The following SWT1 variants were observed in gnomAD, a reference collection of about 807,000 sequenced individuals.
SWT1 encodes transcriptional protein SWT1.
A neutral mutation model predicts 107.3 loss-of-function variants in SWT1; 33 were observed. The observed-to-expected ratio is 0.31, with a 90% CI of 0.23 to 0.41. SWT1 has a LOEUF of 0.41. Ranked by LOEUF, SWT1 falls within the 10% of genes least tolerant of loss-of-function variation. SWT1 has a pLI of 1.00. For missense variants in SWT1, 898 were observed against 1,028.9 expected, an observed-to-expected ratio of 0.87 and a Z score of 1.74; for synonymous variants, 345 against 348.3, an observed-to-expected ratio of 0.99 and a Z score of 0.11.
intron 16 of SWT1, among the ~76,000 whole-genome samples, chr1:185,240,062 C>T (rs911161116): frequency 3.9e-5 from 6 of 151,982 alleles, no homozygotes; most frequent in African/African-American, 1.4e-4. Context: ...AGCTAATATT[C>T]AAAGCAACAA....
intron 9 of SWT1, among the ~76,000 whole-genome samples, chr1:185,188,237 A>G (rs1270635000): frequency 6.6e-6 from 1 of 152,186 alleles, no homozygotes; most frequent in Non-Finnish European, 1.5e-5. Flanking sequence ...TTGAATAACT[A>G]AAGATTTCAT....
At chr1:185,269,433 T>C (rs1351677230) in intron 16 of SWT1, among the ~76,000 whole-genome samples, 2 of 148,368 alleles carry the variant, frequency 1.3e-5, no homozygotes, top group Non-Finnish European at 3.0e-5. Context: ...TTCTATGAAA[T>C]AGTATTCTTA....
chr1:185,243,603 A>G (rs1661397601), intron 16 of SWT1, among the ~76,000 whole-genome samples: 1 of 152,104 alleles, frequency 6.6e-6, no homozygotes, highest in South Asian at 2.1e-4. Context: ...TAAATACTTA[A>G]CCGTATATCA....
intron 16 of SWT1, among the ~76,000 whole-genome samples, chr1:185,267,202 T>G (rs539579873): frequency 6.6e-6 from 1 of 152,226 alleles, no homozygotes; most frequent in East Asian, 1.9e-4. Flanking sequence ...TTATTGAGCA[T>G]GTACCGTGTG....
At chr1:185,239,246 A>G (rs1031577007) in intron 16 of SWT1, among the ~76,000 whole-genome samples, 9 of 152,128 alleles carry the variant, frequency 5.9e-5, no homozygotes, top group African/African-American at 2.2e-4. Flanking sequence ...TTCCTTGTTA[A>G]ATGAGAATCC....
intron 13 of SWT1, among the ~76,000 whole-genome samples, chr1:185,210,710 G>T (rs1358734125): frequency 6.6e-6 from 1 of 152,094 alleles, no homozygotes; most frequent in African/African-American, 2.4e-5. Flanking sequence ...ACTCAGACAA[G>T]AGAAATAAAT....
chr1:185,272,438 A>G (rs1040897616), intron 17 of SWT1, among the ~76,000 whole-genome samples: 1 of 152,180 alleles, frequency 6.6e-6, no homozygotes, highest in African/African-American at 2.4e-5. Context: ...TATGAAGTCA[A>G]ACTCCTTTAA....
intron 13 of SWT1, among the ~76,000 whole-genome samples, chr1:185,212,936 G>A (rs765796188): frequency 1.1e-4 from 16 of 152,126 alleles, no homozygotes; most frequent in Admixed American, 8.5e-4. Flanking sequence ...AGAATACCAC[G>A]CATGTATCCT....
chr1:185,237,322 C>G (rs1372219516), intron 16 of SWT1, among the ~76,000 whole-genome samples: 1 of 152,134 alleles, frequency 6.6e-6, no homozygotes, highest in Non-Finnish European at 1.5e-5. Flanking sequence ...CAATGATAGA[C>G]TGGATAAAGA....
At chr1:185,239,812 T>C (rs1661139583) in intron 16 of SWT1, among the ~76,000 whole-genome samples, 1 of 152,088 alleles carries the variant, frequency 6.6e-6, no homozygotes, top group Non-Finnish European at 1.5e-5. Flanking sequence ...CAAGTAACTC[T>C]TAAGACCACA....
chr1:185,226,697 A>G (rs982962859), intron 15 of SWT1: 10 of 446,864 alleles, frequency 2.2e-5, no homozygotes, highest in Middle Eastern at 1.1e-3. Context: ...AACAAACAAA[A>G]GCTTCCCTGC....
At chr1:185,174,123 T>C (rs1346176084) in intron 4 of SWT1, among the ~76,000 whole-genome samples, 1 of 152,214 alleles carries the variant, frequency 6.6e-6, no homozygotes, top group East Asian at 1.9e-4. Flanking sequence ...ATTTTACACT[T>C]AAGCATTTAG....
intron 16 of SWT1, among the ~76,000 whole-genome samples, chr1:185,269,183 A>G (rs1663650778): frequency 6.6e-6 from 1 of 152,224 alleles, no homozygotes; most frequent in Admixed American, 6.5e-5. Flanking sequence ...TTACCAAGTT[A>G]GAACACACTA....
Position 185,204,711 on chromosome 1 carries a change from T to C in SWT1, c.1681T>C (p.Leu561=). ...KQQLKAETTP[L]KESYKEESTN... ...TATTTGTTTTAAAGAAACAACACCC[T>C]TGAAAGAGAGCTATAAGGAGGAATC... Residue 561 remains leucine (L), a synonymous_variant, in exon 12 of 19, where the codon TTG becomes CTG. Transcript: ENST00000367500. The C allele has an allele frequency of 6.3e-7, 1 of 1,576,596 alleles. No homozygotes were observed. The highest frequency in any genetic ancestry group is 8.6e-7 in the Non-Finnish European group (1 of 1,166,136).
At chr1:185,277,603 A>C (rs758111364) in intron 18 of SWT1, among the ~76,000 whole-genome samples, 4 of 152,174 alleles carry the variant, frequency 2.6e-5, no homozygotes, top group African/African-American at 9.6e-5. Context: ...TCTTAGTCTT[A>C]TTATGGAAAT....
intron 16 of SWT1, among the ~76,000 whole-genome samples, chr1:185,247,163 A>G (rs1009660613): frequency 3.9e-5 from 6 of 152,208 alleles, no homozygotes; most frequent in Admixed American, 6.5e-5. Context: ...CTAACCAGAC[A>G]TATGTAAAAT....
At chr1:185,283,055 T>C (rs1255745934) in intron 18 of SWT1, among the ~76,000 whole-genome samples, 2 of 152,100 alleles carry the variant, frequency 1.3e-5, no homozygotes, top group Non-Finnish European at 2.9e-5. Context: ...AGGAGATACA[T>C]AGAGTGAGGT....
chr1:185,250,494 A>G (rs1661929667), intron 16 of SWT1, among the ~76,000 whole-genome samples: 1 of 152,104 alleles, frequency 6.6e-6, no homozygotes, highest in South Asian at 2.1e-4. Context: ...TCTTACATGT[A>G]TCTCCAGATG....
chr1:185,159,830 T>A (rs986637566), intron 1 of SWT1, among the ~76,000 whole-genome samples: 14 of 152,158 alleles, frequency 9.2e-5, no homozygotes, highest in African/African-American at 3.4e-4. Context: ...GTTCAAGCGA[T>A]TCACCTCCCT....
Sources: gnomAD v4.1 joint callset for allele counts (sites outside exome capture counted in the v4.1 genomes callset) on GRCh38, gnomAD v4.1.1 for gene constraint, MANE v1.5 for transcripts, NCBI Gene and HGNC (gene_info 2026-07-23, HGNC 2026-07-21) for gene names.